The following ZNF43 variants were observed in gnomAD, a reference collection of about 807,000 sequenced individuals.
ZNF43 encodes zinc finger protein 39-like 1 (KOX 27).
In ZNF43, 44 loss-of-function variants were observed where a neutral mutation model predicts 68.4. That is an observed-to-expected ratio of 0.64 (90% CI 0.51 to 0.83). The LOEUF (loss-of-function observed/expected upper bound fraction) is 0.83, where lower values mean the gene tolerates loss of function less well. Ranked by LOEUF, ZNF43 falls within the 40% of genes least tolerant of loss-of-function variation. The pLI is 0.00. For missense variants in ZNF43, 896 were observed against 933.2 expected, an observed-to-expected ratio of 0.96 and a Z score of 0.52; for synonymous variants, 308 against 307.8, an observed-to-expected ratio of 1.00 and a Z score of -0.01.
At chr19:21,824,931 C>T (rs2038041771) in intron 1 of ZNF43, among the ~76,000 whole-genome samples, 1 of 152,014 alleles carries the variant, frequency 6.6e-6, no homozygotes, top group Non-Finnish European at 1.5e-5. Flanking sequence ...TGGACTGGTA[C>T]AAAGTTGTTT....
In ZNF43 at chr19:21,809,299, A is replaced by G. The variant is rs773812929; in HGVS notation, c.738T>C (p.Thr246=). ...ATCTAGTATAATTTTTTTTATGTGT[A>G]GTAAGGCGTGAGGACCAATTAAAGA... ...GKVFNWSSRL[T]THKKNYTRYK... is the part of the protein sequence containing the mutation. The change falls in exon 4 of 4, where the codon ACT becomes ACC. Residue 246 remains threonine, a synonymous_variant. Transcript: ENST00000354959. 1 of 1,613,626 alleles carries G rather than the reference A, an allele frequency of 6.2e-7. No homozygotes were observed. The highest frequency in any genetic ancestry group is 8.5e-7 in the Non-Finnish European group (1 of 1,179,894).
chr19:21,838,662 C>T (rs1046170059), upstream of ZNF43, among the ~76,000 whole-genome samples: 15 of 152,022 alleles, frequency 9.9e-5, no homozygotes, highest in South Asian at 1.5e-3. Context: ...GGCCTCCCAA[C>T]GTGCTGGGAT....
At chr19:21,834,941 T>TTA (rs2038626290) in intron 1 of ZNF43, among the ~76,000 whole-genome samples, 2 of 132,120 alleles carry the variant, frequency 1.5e-5, no homozygotes, top group African/African-American at 5.5e-5. Flanking sequence ...AAATGTACAC[T>TTA]AAAAAAAAAA....
intron 1 of ZNF43, among the ~76,000 whole-genome samples, chr19:21,829,031 T>TAAAA (rs2038286525): frequency 3.6e-5 from 1 of 27,456 alleles, no homozygotes; most frequent in African/African-American, 1.7e-4. Flanking sequence ...AGACTCTGTC[T>TAAAA]CAAAAAAAAA....
In ZNF43 at chr19:21,851,264, C is replaced by A. The variant is rs896686310; in HGVS notation, c.30+641G>T. 5 of 152,244 alleles carry A rather than the reference C, an allele frequency of 3.3e-5. No homozygotes were observed. In the East Asian group the frequency reaches 5.8e-4, roughly 18 times the overall value. The allele number at this position is 152,244 out of a possible 1,614,324, so 9.4% of individuals were successfully genotyped here. On this transcript the variant is annotated intron_variant, in intron 1 of 3. Transcript: ENST00000357491. The stretch of plus-strand genomic sequence containing the variant: ...CTAAGAGGCCGGGCGCGGTGGCTCA[C>A]GCCTGTAATCCCAGGACTTTTGGGA...
rs765802448 is a variant in ZNF43, at chr19:21,817,893, G to T, written c.224C>A (p.Pro75His). Residue 75 changes from proline to histidine, a missense_variant, in exon 3 of 4, where the codon CCC becomes CAC. Coordinates refer to ENST00000354959, the MANE Select transcript of ZNF43 (RefSeq NM_003423.4). Reference sequence around the variant, plus strand: ...TCACTTTCACTCTCACCTACCTGGGGGTTTGGCTACCATTTCATGTCTCCT... The same window carrying T: ...TCACTTTCACTCTCACCTACCTGGGTGTTTGGCTACCATTTCATGTCTCCT... ...PMRRHEMVAK[P>H]PVMCSHFTQD... 2 of 1,612,428 alleles carry T rather than the reference G, an allele frequency of 1.2e-6. No individual in the cohort carries two copies. The highest frequency in any genetic ancestry group is 1.3e-5 in the African/African-American group (1 of 74,838).
chr19:21,830,680 CA>C (rs201713010), intron 1 of ZNF43, among the ~76,000 whole-genome samples: 3,542 of 126,196 alleles, frequency 0.028, 142 homozygotes, highest in African/African-American at 0.091. Context: ...ACCAGATGTA[CA>C]AAAAAAAAAA....
At chr19:21,815,033 C>G (rs2037454278) in intron 3 of ZNF43, among the ~76,000 whole-genome samples, 1 of 151,714 alleles carries the variant, frequency 6.6e-6, no homozygotes, top group Admixed American at 6.6e-5. Flanking sequence ...ACTAAAAATA[C>G]AAAAATTAGC....
intron 1 of ZNF43, among the ~76,000 whole-genome samples, chr19:21,822,488 A>G (rs2037901227): frequency 6.6e-6 from 1 of 151,358 alleles, no homozygotes. Flanking sequence ...ACAGAAAAAA[A>G]GCAGAGAGAT....
intron 3 of ZNF43, among the ~76,000 whole-genome samples, chr19:21,812,723 G>T (rs1316464386): frequency 6.6e-6 from 1 of 152,094 alleles, no homozygotes; most frequent in African/African-American, 2.4e-5. Flanking sequence ...GGCTGAGACA[G>T]GTGAATCACC....
At chr19:21,810,031 AAAGAGCCACATAGAAGGAAAAT>A (rs2037202949) in intron 3 of ZNF43, among the ~76,000 whole-genome samples, 1 of 152,226 alleles carries the variant, frequency 6.6e-6, no homozygotes, top group African/African-American at 2.4e-5. Flanking sequence ...AGTCCAATGC[AAAGAGCCACATAGAAGGAAAAT>A]ATAAATTGGT....
Position 21,805,449 on chromosome 19 carries a change from G to A in ZNF43, c.*2158C>T, listed in dbSNP as rs76390694. 9.7e-3 allele frequency: 1,453 copies of A among 149,892 alleles called. 48 individuals carry two copies. The East Asian group carries it at 0.11, about 12-fold the overall frequency. The allele number at this position is 149,892 out of a possible 1,614,324, so 9.3% of individuals were successfully genotyped here. ...ACTGTACTCCAGCCTGGGTGACAGA[G>A]CGAGACTCCATCTCCAAAAAAAAAC... On this transcript the variant is annotated 3_prime_UTR_variant, in exon 4 of 4. Coordinates refer to ENST00000354959, the MANE Select transcript of ZNF43 (RefSeq NM_003423.4).
chr19:21,815,245 T>A (rs2037464958), intron 3 of ZNF43, among the ~76,000 whole-genome samples: 1 of 152,072 alleles, frequency 6.6e-6, no homozygotes, highest in Non-Finnish European at 1.5e-5. Flanking sequence ...AAGAATTTGT[T>A]TAGATAACTA....
chr19:21,809,328 T>G lies in ZNF43; in HGVS notation c.709A>C (p.Lys237Gln). The G allele has an allele frequency of 6.2e-7, 1 of 1,613,890 alleles. No homozygotes were observed. The highest frequency in any genetic ancestry group is 1.1e-5 in the South Asian group (1 of 91,066). Residue 237 changes from lysine to glutamine, a missense_variant, in exon 4 of 4, where the codon AAA (lysine) becomes CAA (glutamine). Lys to Gln is a moderately conservative substitution (Grantham distance 53). Transcript: ENST00000354959. ...EKPYTCEECG[K>Q]VFNWSSRLTT... ...AGGCGTGAGGACCAATTAAAGACTT[T>G]GCCACATTCTTCACATGTGTAGGGT...
upstream of ZNF43, chr19:21,840,665 T>C (rs1420564742): frequency 6.6e-6 from 1 of 152,190 alleles, no homozygotes; most frequent in Non-Finnish European, 1.5e-5. Context: ...ATGTGGAAAG[T>C]TGTCAATTTT....
intron 3 of ZNF43, among the ~76,000 whole-genome samples, chr19:21,810,714 A>G (rs1478097735): frequency 6.6e-6 from 1 of 152,150 alleles, no homozygotes; most frequent in African/African-American, 2.4e-5. Flanking sequence ...TTTGGAAACA[A>G]AAGTAGGAGG....
intron 3 of ZNF43, among the ~76,000 whole-genome samples, chr19:21,812,761 G>C (rs1363510355): frequency 1.3e-5 from 2 of 151,908 alleles, no homozygotes; most frequent in Admixed American, 1.3e-4. Flanking sequence ...GATCAGCCCG[G>C]CCAACATGGC....
intron 3 of ZNF43, among the ~76,000 whole-genome samples, chr19:21,810,219 G>A (rs564306123): frequency 1.3e-5 from 2 of 152,276 alleles, no homozygotes; most frequent in African/African-American, 4.8e-5. Context: ...TTGGCAGACT[G>A]TACAAGAAGT....
intron 3 of ZNF43, among the ~76,000 whole-genome samples, chr19:21,811,797 C>T (rs1433277144): frequency 6.6e-6 from 1 of 151,868 alleles, no homozygotes; most frequent in African/African-American, 2.4e-5. Flanking sequence ...AACGTGGATA[C>T]CAACACTAAT....
Sources: gnomAD v4.1 joint callset for allele counts (sites outside exome capture counted in the v4.1 genomes callset) on GRCh38, gnomAD v4.1.1 for gene constraint, MANE v1.5 for transcripts, NCBI Gene and HGNC (gene_info 2026-07-23, HGNC 2026-07-21) for gene names.